UNC5D: variants seen among roughly 807,000 people sequenced by gnomAD.
The protein encoded by UNC5D is unc-5 netrin receptor D.
Under a neutral mutation model 105.4 loss-of-function variants are expected in UNC5D, and 39 were observed. That is an observed-to-expected ratio of 0.37 (90% CI 0.29 to 0.48). The LOEUF (loss-of-function observed/expected upper bound fraction) is 0.48. Among genes scored for constraint, UNC5D ranks in the 20% least tolerant of loss-of-function variants. UNC5D has a pLI of 0.98. For synonymous variants in UNC5D, 452 were observed against 450.4 expected, an observed-to-expected ratio of 1.00 and a Z score of -0.04; for missense variants, 991 against 1,202.4, an observed-to-expected ratio of 0.82 and a Z score of 2.60.
intron 4 of UNC5D, among the ~76,000 whole-genome samples, chr8:35,643,714 AT>A (rs1822887718): frequency 6.6e-6 from 1 of 152,120 alleles, no homozygotes; most frequent in African/African-American, 2.4e-5. Flanking sequence ...CAGTCCTTGC[AT>A]GACTTCAGAG....
At chr8:35,619,558 A>G (rs1821229180) in intron 4 of UNC5D, among the ~76,000 whole-genome samples, 2 of 152,084 alleles carry the variant, frequency 1.3e-5, no homozygotes, top group African/African-American at 4.8e-5. Flanking sequence ...CTCAAGCTTT[A>G]TGTGTCTGTC....
chr8:35,621,924 T>C lies in UNC5D; in HGVS notation c.570+26267T>C, dbSNP rs534991767. ...TGTCAAAGACAAGAGACCTGTGTTC[T>C]AGACTCCCTCCTCCACTTCAGAGCA... On this transcript the variant is annotated intron_variant, in intron 4 of 16. Coordinates refer to ENST00000404895, the MANE Select transcript of UNC5D (RefSeq NM_080872.4). Among the ~76,000 whole-genome samples the C allele has an allele frequency of 3.3e-5, 5 of 152,346 alleles. No individual in the cohort carries two copies. In the South Asian group the frequency reaches 6.2e-4, roughly 19 times the overall value.
In UNC5D at chr8:35,669,920, A is replaced by G. The variant is rs527690825; in HGVS notation, c.571-13627A>G. Among the ~76,000 whole-genome samples the G allele has an allele frequency of 8.5e-5, 13 of 152,244 alleles. No individual in the cohort carries two copies. The East Asian group carries it at 2.5e-3, about 29-fold the overall frequency. ...GTCTCTGAGTACCAGAGTCTGTAGC[A>G]CAAGAGGGTAAATGAACTGAAGATG... On this transcript the variant is annotated intron_variant, in intron 4 of 16. Coordinates refer to ENST00000404895, the MANE Select transcript of UNC5D (RefSeq NM_080872.4).
At chr8:35,327,351 C>G (rs1409551108) in intron 1 of UNC5D, among the ~76,000 whole-genome samples, 6 of 152,316 alleles carry the variant, frequency 3.9e-5, no homozygotes, top group African/African-American at 9.6e-5. Flanking sequence ...TTTCTGCATG[C>G]CTGCTTCCCA....
chr8:35,584,253 C>T (rs1325793830), intron 3 of UNC5D, among the ~76,000 whole-genome samples: 3 of 151,896 alleles, frequency 2.0e-5, no homozygotes, highest in African/African-American at 4.8e-5. Context: ...TGAATACAAT[C>T]GACGGAAAAG....
At chr8:35,577,125 G>A (rs1818149476) in intron 3 of UNC5D, among the ~76,000 whole-genome samples, 1 of 152,102 alleles carries the variant, frequency 6.6e-6, no homozygotes, top group Non-Finnish European at 1.5e-5. Context: ...GTGCAGATAT[G>A]ATACCCCCTT....
At chr8:35,645,196 G>T (rs1274173834) in intron 4 of UNC5D, among the ~76,000 whole-genome samples, 1 of 152,010 alleles carries the variant, frequency 6.6e-6, no homozygotes, top group Non-Finnish European at 1.5e-5. Flanking sequence ...TCTCTTTCAG[G>T]TACCTTGGAA....
intron 1 of UNC5D, among the ~76,000 whole-genome samples, chr8:35,527,021 G>A (rs955575368): frequency 6.6e-6 from 1 of 152,040 alleles, no homozygotes; most frequent in Admixed American, 6.6e-5. Flanking sequence ...TCTATGTAAT[G>A]GAATGTCACT....
At chr8:35,577,872 A>T (rs1415535536) in intron 3 of UNC5D, among the ~76,000 whole-genome samples, 2 of 152,156 alleles carry the variant, frequency 1.3e-5, no homozygotes, top group Non-Finnish European at 2.9e-5. Context: ...ACAGCATGTG[A>T]TTTGATGTGA....
intron 10 of UNC5D, among the ~76,000 whole-genome samples, chr8:35,728,071 T>TAAAAAAAAAA (rs71215643): frequency 2.4e-5 from 1 of 41,046 alleles, no homozygotes; most frequent in Non-Finnish European, 4.1e-5. Context: ...TTGCTGTCTC[T>TAAAAAAAAAA]AAAAAAAAAA....
chr8:35,399,174 C>G (rs1161573434), intron 1 of UNC5D, among the ~76,000 whole-genome samples: 1 of 148,390 alleles, frequency 6.7e-6, no homozygotes, highest in Non-Finnish European at 1.5e-5. Flanking sequence ...AAAAAGTCCT[C>G]TACATAACCA....
chr8:35,709,829 G>A (rs1467652900), intron 8 of UNC5D, among the ~76,000 whole-genome samples: 3 of 152,210 alleles, frequency 2.0e-5, no homozygotes, highest in Non-Finnish European at 4.4e-5. Flanking sequence ...GCTATGAGGT[G>A]GGAGTTTGGT....
At chr8:35,400,160 C>T (rs1431696229) in intron 1 of UNC5D, among the ~76,000 whole-genome samples, 4 of 151,990 alleles carry the variant, frequency 2.6e-5, no homozygotes, top group Non-Finnish European at 4.4e-5. Flanking sequence ...GCATCTTATC[C>T]CCCAACACTT....
At chr8:35,300,469 A>C (rs1401432614) in intron 1 of UNC5D, among the ~76,000 whole-genome samples, 1 of 43,626 alleles carries the variant, frequency 2.3e-5, no homozygotes, top group African/African-American at 1.1e-4. Flanking sequence ...AAAAAAAAAA[A>C]AAAAAAAAAA....
intron 3 of UNC5D, among the ~76,000 whole-genome samples, chr8:35,592,904 A>G (rs900680347): frequency 1.3e-5 from 2 of 152,038 alleles, no homozygotes; most frequent in Admixed American, 1.3e-4. Context: ...CAGTCATTTC[A>G]AATGTCATTT....
chr8:35,636,516 C>T lies in UNC5D; in HGVS notation c.570+40859C>T, dbSNP rs181945806. ...TTTCTCCAGACATTGCCAAATGTTC[C>T]CCTAGCATGGAGATACCATTGCTCC... On this transcript the variant is annotated intron_variant, in intron 4 of 16. Coordinates refer to ENST00000404895, the MANE Select transcript of UNC5D (RefSeq NM_080872.4). 1.2e-3 allele frequency among the ~76,000 whole-genome samples: 188 copies of T among 152,210 alleles called. 1 individual carries two copies. The highest frequency in any genetic ancestry group is 1.8e-3 in the Non-Finnish European group (124 of 68,018).
intron 1 of UNC5D, among the ~76,000 whole-genome samples, chr8:35,521,322 A>G (rs1318161681): frequency 1.3e-5 from 2 of 152,146 alleles, no homozygotes; most frequent in African/African-American, 2.4e-5. Flanking sequence ...CTCTATGTAA[A>G]TGATGTTTTC....
intron 4 of UNC5D, 67 bp downstream of exon 4, chr8:35,595,724 T>C (rs1177624863): frequency 6.9e-7 from 1 of 1,439,306 alleles, no homozygotes; most frequent in Admixed American, 1.8e-5. Context: ...GAGGGCGGAG[T>C]CCTGTGTGGC....
At chr8:35,255,251 C>T (rs888191584) in intron 1 of UNC5D, 1 of 152,138 alleles carries the variant, frequency 6.6e-6, no homozygotes, top group African/African-American at 2.4e-5. Context: ...TGTTCTGTTA[C>T]ACATCTTCAA....
Sources: gnomAD v4.1 joint callset for allele counts (sites outside exome capture counted in the v4.1 genomes callset) on GRCh38, gnomAD v4.1.1 for gene constraint, MANE v1.5 for transcripts, NCBI Gene and HGNC (gene_info 2026-07-23, HGNC 2026-07-21) for gene names.